The following KCNAB1 variants were observed in gnomAD, a reference collection of about 807,000 sequenced individuals.
The protein encoded by KCNAB1 is voltage-gated potassium channel subunit beta-1.
Under a neutral mutation model 64.6 loss-of-function variants are expected in KCNAB1, and 35 were observed. The ratio of observed to expected loss-of-function variants is 0.54; its 90% CI spans 0.41 to 0.72. KCNAB1 has a LOEUF of 0.72. KCNAB1 is among the 30% of genes least tolerant of loss of function. The pLI is 0.00. For missense variants in KCNAB1, 401 were observed against 512.9 expected, an observed-to-expected ratio of 0.78 and a Z score of 2.11; for synonymous variants, 177 against 183.8, an observed-to-expected ratio of 0.96 and a Z score of 0.30.
intron 13 of KCNAB1, 108 bp downstream of exon 13, chr3:156,531,605 T>C: frequency 2.4e-6 from 2 of 850,292 alleles, no homozygotes; most frequent in Non-Finnish European, 4.1e-6. Flanking sequence ...GGGGCAAGAG[T>C]AGGGGGAACA....
chr3:156,536,357 T>C (rs1719056035), intron 13 of KCNAB1, among the ~76,000 whole-genome samples: 1 of 152,264 alleles, frequency 6.6e-6, no homozygotes. Flanking sequence ...CTTTTTAAGG[T>C]ATCTAATAGA....
At chr3:156,491,272 C>A (rs1715610483) in intron 8 of KCNAB1, among the ~76,000 whole-genome samples, 1 of 152,008 alleles carries the variant, frequency 6.6e-6, no homozygotes, top group Non-Finnish European at 1.5e-5. Flanking sequence ...GACAGCCATG[C>A]AGCAGGCACA....
intron 1 of KCNAB1, among the ~76,000 whole-genome samples, chr3:156,213,031 G>A (rs1032784785): frequency 1.3e-5 from 2 of 152,132 alleles, no homozygotes; most frequent in African/African-American, 4.8e-5. Context: ...TTGGTGGGAC[G>A]AGTGGAAGCA....
intron 1 of KCNAB1, among the ~76,000 whole-genome samples, chr3:156,200,709 G>C (rs1350682751): frequency 6.6e-6 from 1 of 152,228 alleles, no homozygotes; most frequent in African/African-American, 2.4e-5. Context: ...TGTGCTGGCA[G>C]TGAGAATTTC....
intron 1 of KCNAB1, chr3:156,273,590 G>C: frequency 2.2e-6 from 1 of 456,642 alleles, no homozygotes; most frequent in South Asian, 1.5e-5. Flanking sequence ...TGCTGCTGTG[G>C]GGTGGGAGAA....
In KCNAB1 at chr3:156,432,458, A is replaced by C. The variant is rs149416234; in HGVS notation, c.319+10799A>C. On this transcript the variant is annotated intron_variant, in intron 2 of 13. Transcript: ENST00000490337. ...TGAAAATATGCAAAGAAGGACCTCC[A>C]TGAGAGAGAAGCAGAAAATACCATC... Among the ~76,000 whole-genome samples, 8 of 152,350 alleles carry C rather than the reference A, an allele frequency of 5.3e-5. No individual in the cohort carries two copies. The East Asian group carries it at 1.5e-3, about 29-fold the overall frequency.
intron 1 of KCNAB1, among the ~76,000 whole-genome samples, chr3:156,328,283 C>T (rs1439082470): frequency 2.0e-5 from 3 of 152,130 alleles, no homozygotes; most frequent in Non-Finnish European, 4.4e-5. Context: ...CTCTATTCTA[C>T]AGGCCGTGAT....
At chr3:156,180,714 G>A (rs2108345017) in intron 1 of KCNAB1, among the ~76,000 whole-genome samples, 1 of 152,304 alleles carries the variant, frequency 6.6e-6, no homozygotes, top group East Asian at 1.9e-4. Flanking sequence ...AACATCATCT[G>A]TCCTGAAGAA....
intron 1 of KCNAB1, among the ~76,000 whole-genome samples, chr3:156,219,724 T>TATG (rs1428953556): frequency 1.2e-5 from 1 of 81,176 alleles, no homozygotes; most frequent in Non-Finnish European, 2.6e-5. Context: ...TTATTATTAT[T>TATG]ATTATTATTA....
At chr3:156,368,576 C>T (rs571627219) in intron 1 of KCNAB1, among the ~76,000 whole-genome samples, 106 of 152,270 alleles carry the variant, frequency 7.0e-4, no homozygotes, top group African/African-American at 2.4e-3. Context: ...TTGTTATTTT[C>T]AACTGTTATT....
rs6148150 is a variant in KCNAB1 at position 156,147,940 on chromosome 3, G to GACACACACACACACAC, written c.275+27059_275+27074dup. 6.2e-3 allele frequency among the ~76,000 whole-genome samples: 912 copies of GACACACACACACACAC among 146,118 alleles called. 9 individuals carry two copies. Among genetic ancestry groups the GACACACACACACACAC allele is most frequent in the Middle Eastern group, 0.021 (6 of 286 alleles). ...CAACCTCCATCCCACCACATGCCAA[G>GACACACACACACACAC]ACACACACACACACACACACGCACG... is the stretch of plus-strand genomic sequence containing the variant. On this transcript the variant is annotated intron_variant, in intron 1 of 13. Coordinates refer to ENST00000490337, the MANE Select transcript of KCNAB1 (RefSeq NM_172160.3).
intron 1 of KCNAB1, among the ~76,000 whole-genome samples, chr3:156,265,528 A>G (rs1043629271): frequency 6.6e-6 from 1 of 152,206 alleles, no homozygotes; most frequent in African/African-American, 2.4e-5. Context: ...GTGATTCTCC[A>G]TACCTGAGCC....
At chr3:156,506,608 C>G (rs956350531) in intron 8 of KCNAB1, among the ~76,000 whole-genome samples, 1 of 152,122 alleles carries the variant, frequency 6.6e-6, no homozygotes, top group Non-Finnish European at 1.5e-5. Context: ...ACATAAAGCT[C>G]CATTCTTGGG....
At chr3:156,148,018 A>G (rs1378541870) in intron 1 of KCNAB1, among the ~76,000 whole-genome samples, 2 of 151,588 alleles carry the variant, frequency 1.3e-5, no homozygotes, top group Admixed American at 1.3e-4. Flanking sequence ...AGATCCAGCC[A>G]TATTCACCGT....
chr3:156,143,738 G>A (rs1216086695), intron 1 of KCNAB1, among the ~76,000 whole-genome samples: 2 of 151,354 alleles, frequency 1.3e-5, no homozygotes, highest in South Asian at 2.1e-4. Context: ...ATGAAGAGTG[G>A]GGACTCCATT....
At chr3:156,363,915 A>G (rs1725782337) in intron 1 of KCNAB1, among the ~76,000 whole-genome samples, 1 of 152,264 alleles carries the variant, frequency 6.6e-6, no homozygotes, top group Non-Finnish European at 1.5e-5. Flanking sequence ...ATGCTGGATC[A>G]TACCATTTCC....
chr3:156,435,383 G>A (rs1716519738), intron 2 of KCNAB1, among the ~76,000 whole-genome samples: 1 of 152,212 alleles, frequency 6.6e-6, no homozygotes, highest in Non-Finnish European at 1.5e-5. Flanking sequence ...GGACTGTTGA[G>A]GGTCTATGAG....
At chr3:156,245,899 G>T (rs1001735408) in intron 1 of KCNAB1, among the ~76,000 whole-genome samples, 1 of 152,030 alleles carries the variant, frequency 6.6e-6, no homozygotes, top group South Asian at 2.1e-4. Context: ...TAGGATCATG[G>T]TGTTGAGTTG....
chr3:156,198,306 GCTT>G lies in KCNAB1; in HGVS notation c.275+77421_275+77423del, dbSNP rs1057109450. ...AGTTCTGTAGATGTCTATTAGGTCT[GCTT>G]GGTTCAGAGCTGAGTTCAAGTCCTG... On this transcript the variant is annotated intron_variant, in intron 1 of 13. Transcript: ENST00000490337. Among the ~76,000 whole-genome samples the G allele has an allele frequency of 9.2e-5, 14 of 152,250 alleles. No individual in the cohort carries two copies. The East Asian group carries it at 1.3e-3, about 15-fold the overall frequency.
Sources: gnomAD v4.1 joint callset for allele counts (sites outside exome capture counted in the v4.1 genomes callset) on GRCh38, gnomAD v4.1.1 for gene constraint, MANE v1.5 for transcripts, NCBI Gene and HGNC (gene_info 2026-07-23, HGNC 2026-07-21) for gene names.